SCIN: variants seen among roughly 807,000 people sequenced by gnomAD.
SCIN encodes the protein scinderin.
Under a neutral mutation model 91.8 loss-of-function variants are expected in SCIN, and 91 were observed. The ratio of observed to expected loss-of-function variants is 0.99; its 90% CI spans 0.84 to 1.18. SCIN has a LOEUF of 1.18. SCIN is among the 50% of genes most tolerant of loss of function. The pLI is 0.00. For synonymous variants in SCIN, 367 were observed against 312.6 expected (o/e 1.17, Z -1.84); for missense variants, 1,087 against 863.9 (o/e 1.26, Z -3.24).
rs755509113 is a variant in SCIN at position 12,570,941 on chromosome 7, C to G, written c.155C>G (p.Ala52Gly). 4 of 1,551,382 alleles carry G rather than the reference C, an allele frequency of 2.6e-6. No homozygotes were observed. The South Asian group carries it at 4.8e-5, about 18-fold the overall frequency. The change falls in exon 1 of 16, where the codon GCC (alanine) becomes GGC (glycine). Residue 52 changes from alanine (A) to glycine (G), a missense_variant. Coordinates refer to ENST00000297029, the MANE Select transcript of SCIN (RefSeq NM_001112706.3). The stretch of plus-strand genomic sequence containing the variant: ...GATGCCTACCTGGTGCTGCACACGG[C>G]CAAGACGAGCCGAGGCTTCACCTAC... ...VGDAYLVLHTAKTSRGFTYHL... is the reference protein window; with the variant it reads ...VGDAYLVLHTGKTSRGFTYHL...
Position 12,642,689 on chromosome 7 carries a change from A to G in SCIN, c.1582-1449A>G, listed in dbSNP as rs149154280. Among the ~76,000 whole-genome samples, 125 of 147,918 alleles carry G rather than the reference A, an allele frequency of 8.5e-4. No individual in the cohort carries two copies. In the East Asian group the frequency reaches 0.021, roughly 25 times the overall value. ...CACTTTTCTGATCTCATTTTTCTCA[A>G]CCTCCCACTAGCATTTGCCAGTCAG... On this transcript the variant is annotated intron_variant, in intron 11 of 15. Coordinates refer to ENST00000297029, the MANE Select transcript of SCIN (RefSeq NM_001112706.3).
intron 3 of SCIN, among the ~76,000 whole-genome samples, chr7:12,587,421 G>A (rs766185687): frequency 7.5e-4 from 114 of 152,288 alleles, no homozygotes; most frequent in Non-Finnish European, 1.3e-3. Flanking sequence ...TATAACCTTC[G>A]TTGAGGTGTA....
At chr7:12,636,209 C>A in intron 10 of SCIN, 74 bp downstream of exon 10, 1 of 1,026,882 alleles carries the variant, frequency 9.7e-7, no homozygotes, top group Non-Finnish European at 1.5e-6. Context: ...ATAGCTCCCT[C>A]CCAAGTTGGG....
rs1784108992 is a variant in SCIN at position 12,652,793 on chromosome 7, T to G, written c.*78T>G. 7.1e-6 allele frequency: 11 copies of G among 1,541,154 alleles called. No homozygotes were observed. The highest frequency in any genetic ancestry group is 9.6e-6 in the Non-Finnish European group (11 of 1,147,504). On this transcript the variant is annotated 3_prime_UTR_variant, in exon 16 of 16. Transcript: ENST00000297029. ...GTTTTGGGAGAGGAACGGGAAAAGC[T>G]TTTTGCTTATTTGTCTTTTGAAAAT...
rs1264327283 is a variant in SCIN at position 12,656,521 on chromosome 7, T to G, written c.*3806T>G. 1 of 152,244 alleles carries G rather than the reference T, an allele frequency of 6.6e-6. No individual in the cohort carries two copies. Among genetic ancestry groups the G allele is most frequent in the Non-Finnish European group, 1.5e-5 (1 of 68,050 alleles). The allele number at this position is 152,244 out of a possible 1,614,324, so 9.4% of individuals were successfully genotyped here. On this transcript the variant is annotated 3_prime_UTR_variant, in exon 16 of 16. Transcript: ENST00000297029. Reference sequence around the variant, plus strand: ...AAAGCCTACAAATGCCCCGCATATGTAGAATTATCATTCATTCCGTGTTCT... The same window carrying G: ...AAAGCCTACAAATGCCCCGCATATGGAGAATTATCATTCATTCCGTGTTCT...
At chr7:12,644,078 T>A (rs369631686) in intron 11 of SCIN, 60 bp from the exon 12 acceptor site, 36 of 1,457,438 alleles carry the variant, frequency 2.5e-5, no homozygotes, top group East Asian at 1.4e-4. Context: ...TTCTGGGACA[T>A]GTTTATTGAG....
chr7:12,574,130 C>A (rs1782322767), intron 1 of SCIN, among the ~76,000 whole-genome samples: 1 of 152,142 alleles, frequency 6.6e-6, no homozygotes. Context: ...AATAAACAAA[C>A]ACTAGAATCA....
At chr7:12,607,903 T>A (rs1187092782) in intron 4 of SCIN, among the ~76,000 whole-genome samples, 1 of 152,178 alleles carries the variant, frequency 6.6e-6, no homozygotes, top group African/African-American at 2.4e-5. Flanking sequence ...ATGAACTTGG[T>A]TGGGAAGAAT....
chr7:12,591,180 C>T (rs936290209), intron 3 of SCIN, among the ~76,000 whole-genome samples: 7 of 152,022 alleles, frequency 4.6e-5, no homozygotes, highest in South Asian at 4.2e-4. Context: ...GAAGAGGATA[C>T]GGGGAGTAAG....
At position 12,655,761 on chromosome 7, in the gene SCIN, C is replaced by T. The variant is rs967179949; in HGVS notation, c.*3046C>T. 1 of 152,164 alleles carries T rather than the reference C, an allele frequency of 6.6e-6. No individual in the cohort carries two copies. Among genetic ancestry groups the T allele is most frequent in the African/African-American group, 2.4e-5 (1 of 41,420 alleles). 9.4% of individuals were successfully genotyped at this position (152,164 alleles called of 1,614,324 possible). A position where few individuals can be genotyped will look rare whatever the true frequency, so the allele number is the denominator to read the frequency against. ...ACGTATGTACTAATCTAAAACCAAA[C>T]ACATTAGACTAGGTACATGTGGAGA... On this transcript the variant is annotated 3_prime_UTR_variant, in exon 16 of 16. Coordinates refer to ENST00000297029, the MANE Select transcript of SCIN (RefSeq NM_001112706.3).
chr7:12,615,415 C>T (rs939293691), intron 4 of SCIN, among the ~76,000 whole-genome samples: 36 of 151,948 alleles, frequency 2.4e-4, no homozygotes, highest in African/African-American at 6.0e-4. Flanking sequence ...GTAGTTTTTT[C>T]CTTTGTGTTC....
intron 4 of SCIN, among the ~76,000 whole-genome samples, chr7:12,621,837 A>T (rs1325017060): frequency 6.6e-6 from 1 of 151,820 alleles, no homozygotes; most frequent in African/African-American, 2.4e-5. Flanking sequence ...CAAGGATTAA[A>T]GTACATTTTT....
chr7:12,655,002 T>C lies in SCIN; in HGVS notation c.*2287T>C, dbSNP rs931860350. The C allele has an allele frequency of 6.6e-6, 1 of 152,198 alleles. No individual in the cohort carries two copies. Among genetic ancestry groups the C allele is most frequent in the African/African-American group, 2.4e-5 (1 of 41,460 alleles). The allele number at this position is 152,198 out of a possible 1,614,324, so 9.4% of individuals were successfully genotyped here. A position where few individuals can be genotyped will look rare whatever the true frequency, so the allele number is the denominator to read the frequency against. ...ACATGAAAATATGATATACGGTTTT[T>C]CTTCAGTATCCGCGGGAGATTGGCT... is the stretch of plus-strand genomic sequence containing the variant. On this transcript the variant is annotated 3_prime_UTR_variant, in exon 16 of 16. Transcript: ENST00000297029.
chr7:12,586,203 C>T (rs7805093), intron 3 of SCIN, among the ~76,000 whole-genome samples: 1 of 152,180 alleles, frequency 6.6e-6, no homozygotes, highest in African/African-American at 2.4e-5. Context: ...CACATGTCTA[C>T]AGTGTTTTTT....
At position 12,581,218 on chromosome 7, in the gene SCIN, C is replaced by A. The variant is rs940218304; in HGVS notation, c.513C>A (p.Gly171=). ...NKGDCFIIDL[G]TEIYQWCGSS... Reference sequence around the variant, plus strand: ...GTGACTGCTTCATCATTGACCTTGGCACCGTAAGTTTCATATATACACATC... The same window carrying A: ...GTGACTGCTTCATCATTGACCTTGGAACCGTAAGTTTCATATATACACATC... The change falls in exon 3 of 16, where the codon GGC becomes GGA. Residue 171 remains glycine (G), a synonymous_variant. Coordinates refer to ENST00000297029, the MANE Select transcript of SCIN (RefSeq NM_001112706.3). The A allele has an allele frequency of 7.1e-6, 11 of 1,550,992 alleles. No homozygotes were observed. The highest frequency in any genetic ancestry group is 9.6e-6 in the Non-Finnish European group (11 of 1,146,612).
At chr7:12,574,058 A>G (rs58989541) in intron 1 of SCIN, among the ~76,000 whole-genome samples, 8,084 of 152,250 alleles carry the variant, frequency 0.053, 284 homozygotes, top group South Asian at 0.15. Context: ...TTTATTCCAG[A>G]AAAATGAAGT....
At chr7:12,641,627 A>G (rs568156545) in intron 11 of SCIN, among the ~76,000 whole-genome samples, 3 of 152,038 alleles carry the variant, frequency 2.0e-5, no homozygotes, top group Non-Finnish European at 4.4e-5. Flanking sequence ...ATGGTCCTAT[A>G]CTAAATTTTG....
intron 1 of SCIN, chr7:12,571,359 C>T: frequency 2.8e-6 from 1 of 351,870 alleles, no homozygotes; most frequent in Non-Finnish European, 5.4e-6. Context: ...GCTCACCTTC[C>T]GACAAACTCA....
At chr7:12,617,514 G>A (rs1214788485) in intron 4 of SCIN, among the ~76,000 whole-genome samples, 1 of 152,102 alleles carries the variant, frequency 6.6e-6, no homozygotes, top group Non-Finnish European at 1.5e-5. Flanking sequence ...AGGGAAAAAG[G>A]TTTGGTGATG....
Sources: gnomAD v4.1 joint callset for allele counts (sites outside exome capture counted in the v4.1 genomes callset) on GRCh38, gnomAD v4.1.1 for gene constraint, MANE v1.5 for transcripts, NCBI Gene and HGNC (gene_info 2026-07-23, HGNC 2026-07-21) for gene names.